The following KIR2DL4 variants were observed in gnomAD, a reference collection of about 807,000 sequenced individuals.
The protein encoded by KIR2DL4 is killer cell immunoglobulin like receptor, two Ig domains and long cytoplasmic tail 4, also known as killer cell immunoglobulin-like receptor 2DL4.
KIR2DL4 carries 41 observed loss-of-function variants against 31.0 expected under a neutral mutation model. The ratio of observed to expected loss-of-function variants is 1.32; its 90% CI spans 1.03 to 1.72. KIR2DL4 has a LOEUF of 1.72. Among genes scored for constraint, KIR2DL4 ranks in the 40% most tolerant of loss-of-function variants. The pLI, the probability that KIR2DL4 is intolerant of heterozygous loss-of-function variation, is 0.00. For synonymous variants in KIR2DL4, 164 were observed against 133.6 expected, an observed-to-expected ratio of 1.23 and a Z score of -1.57; for missense variants, 438 against 353.7, an observed-to-expected ratio of 1.24 and a Z score of -1.91.
chr19:54,808,789 C>T lies in KIR2DL4; in HGVS notation c.656-44C>T. 5.2e-6 allele frequency: 7 copies of T among 1,351,692 alleles called. 1 individual carries two copies. Among genetic ancestry groups the T allele is most frequent in the Non-Finnish European group, 6.3e-6 (6 of 955,238 alleles). The allele number at this position is 1,351,692 out of a possible 1,614,324, so 83.7% of individuals were successfully genotyped here. On this transcript the variant is annotated intron_variant, in intron 4 of 7. Coordinates refer to ENST00000359085, the Ensembl canonical transcript of KIR2DL4. ...TCAAAGATTTCCATTGAGTAGAAGA[C>T]AGGCATCCTCATTGCCACACCTCTC...
chr19:54,809,212 AG>A (rs1471643374), intron 5 of KIR2DL4, among the ~76,000 whole-genome samples: 7 of 150,106 alleles, frequency 4.7e-5, no homozygotes, highest in Non-Finnish European at 7.4e-5. Context: ...AGGGGAAGGA[AG>A]GGGAACATTT....
In KIR2DL4 at chr19:54,814,271, C is replaced by A. The variant is rs1247569513; in HGVS notation, c.*471C>A. On this transcript the variant is annotated 3_prime_UTR_variant, in exon 8 of 8. Transcript: ENST00000359085. ...TCTATTTCACTTGACCCCTGCCCAC[C>A]TCTCCAACCTAACTGGCTTACTTCC... 1.0e-5 allele frequency: 8 copies of A among 780,140 alleles called. No individual in the cohort carries two copies. The Admixed American group carries it at 1.6e-4, about 16-fold the overall frequency. 48.3% of individuals were successfully genotyped at this position (780,140 alleles called of 1,614,324 possible).
At chr19:54,804,920 C>T (rs774526470) in exon 3 of KIR2DL4, 67 of 1,611,988 alleles carry the variant, frequency 4.2e-5, no homozygotes, top group Non-Finnish European at 5.5e-5. Flanking sequence ...AAGATGGGGT[C>T]CCTGTCCCTG....
Position 54,804,978 on chromosome 19 carries a change from AC to A in KIR2DL4, c.266del (p.Pro89GlnfsTer28), listed in dbSNP as rs1330139702. 1.2e-6 allele frequency: 2 copies of A among 1,611,538 alleles called. No individual in the cohort carries two copies. The highest frequency in any genetic ancestry group is 2.7e-5 in the African/African-American group (2 of 74,142). On this transcript the variant is annotated frameshift_variant, in exon 3 of 8. Transcript: ENST00000359085. LOFTEE classifies it high-confidence loss of function. ...GAACAGTTTCCTCATTAGCCCTGTG[AC>A]CCCAGCACACGCAGGGACCTACAGA...
exon 8 of KIR2DL4, chr19:54,814,152 C>T: frequency 6.3e-7 from 1 of 1,598,206 alleles, no homozygotes; most frequent in Non-Finnish European, 8.5e-7. Context: ...CTTCCTCACA[C>T]CACAAATCTG....
At chr19:54,814,075 G>A (rs2061061799) in exon 8 of KIR2DL4, 2 of 1,611,778 alleles carry the variant, frequency 1.2e-6, no homozygotes, top group Admixed American at 1.7e-5. Flanking sequence ...CTCAAACCCA[G>A]CTTGCCAGCT....
intron 3 of KIR2DL4, 28 bp downstream of exon 3, chr19:54,805,105 C>T (rs1569355115): frequency 2.6e-6 from 4 of 1,562,232 alleles, no homozygotes; most frequent in Non-Finnish European, 3.5e-6. Flanking sequence ...TGGGCTTCTC[C>T]TTGTCCCACC....
At chr19:54,809,094 C>T (rs1179455228) in intron 5 of KIR2DL4, among the ~76,000 whole-genome samples, 4 of 151,190 alleles carry the variant, frequency 2.6e-5, no homozygotes, top group Non-Finnish European at 5.9e-5. Flanking sequence ...GCTGCTGAGA[C>T]CTCAGGGTAG....
intron 5 of KIR2DL4, among the ~76,000 whole-genome samples, chr19:54,811,535 G>A (rs762989284): frequency 6.6e-5 from 10 of 150,892 alleles, no homozygotes; most frequent in East Asian, 3.9e-4. Flanking sequence ...AAAATCAGGC[G>A]AAAACATCTT....
exon 6 of KIR2DL4, chr19:54,813,201 C>G: frequency 6.5e-7 from 1 of 1,531,276 alleles, no homozygotes; most frequent in South Asian, 1.2e-5. Flanking sequence ...CCTTCTTTCT[C>G]CTTCATCGCT....
chr19:54,805,028 C>T (rs1237126477), exon 3 of KIR2DL4: 4 of 1,610,934 alleles, frequency 2.5e-6, no homozygotes, highest in Admixed American at 1.7e-5. Flanking sequence ...ACCCGCACTC[C>T]CCCACTGAGT....
At chr19:54,808,745 T>G (rs16985962) in intron 4 of KIR2DL4, 88 bp from the exon 5 acceptor site, 243,988 of 938,412 alleles carry the variant, frequency 0.26, 38,313 homozygotes, top group African/African-American at 0.49. Flanking sequence ...GATAATAGAA[T>G]GTTGGCCATG....
At position 54,808,835 on chromosome 19, in the gene KIR2DL4, A is replaced by G. The variant is rs2060683635; in HGVS notation, c.658A>G (p.Asn220Asp). ...CTCTCTCCTGTCCCGTGTTCTAGGAAACCCTTCTAGTAGTTGGCCTTCACC... is the reference window on the plus strand; with the variant it reads ...CTCTCTCCTGTCCCGTGTTCTAGGAGACCCTTCTAGTAGTTGGCCTTCACC... Residue 220 changes from asparagine (N) to aspartate (D), a missense_variant and splice_region_variant, in exon 5 of 8, where the codon AAC (asparagine) becomes GAC (aspartate). By Grantham distance (23) the Asn-to-Asp change is conservative (BLOSUM62 1). Coordinates refer to ENST00000359085, the Ensembl canonical transcript of KIR2DL4. 6 of 1,586,616 alleles carry G rather than the reference A, an allele frequency of 3.8e-6. No homozygotes were observed. The South Asian group carries it at 6.7e-5, about 18-fold the overall frequency.
chr19:54,805,846 G>GAGAGAC, intron 3 of KIR2DL4, 105 bp from the exon 4 acceptor site: 1 of 1,074,568 alleles, frequency 9.3e-7, no homozygotes, highest in Non-Finnish European at 1.3e-6. Flanking sequence ...GAGAGAGAGA[G>GAGAGAC]AGAGCACTAG....
At chr19:54,807,182 G>A (rs1323972593) in intron 4 of KIR2DL4, among the ~76,000 whole-genome samples, 1 of 150,996 alleles carries the variant, frequency 6.6e-6, no homozygotes, top group Non-Finnish European at 1.5e-5. Flanking sequence ...GTCCATCCAT[G>A]TGGCTGCAAA....
chr19:54,809,642 C>G (rs1207888284), intron 5 of KIR2DL4, among the ~76,000 whole-genome samples: 3 of 151,256 alleles, frequency 2.0e-5, no homozygotes, highest in Non-Finnish European at 4.4e-5. Flanking sequence ...TCCTGGTCCC[C>G]GTCTTCCTCC....
Position 54,804,810 on chromosome 19 carries a change from TTCTGC to T in KIR2DL4, c.100_104del (p.Ser34LeufsTer23). Reference sequence around the variant, plus strand: ...TCCCCAAGGTGGTCAGGACAAGCCCTTCTGCTCTGCCTGGCCCAGCGCTGTGGTGC... The same window carrying T: ...TCCCCAAGGTGGTCAGGACAAGCCCTTCTGCCTGGCCCAGCGCTGTGGTGC... On this transcript the variant is annotated frameshift_variant, in exon 3 of 8. Transcript: ENST00000359085. LOFTEE classifies it high-confidence loss of function. The T allele has an allele frequency of 6.2e-7, 1 of 1,612,144 alleles. No individual in the cohort carries two copies. The highest frequency in any genetic ancestry group is 8.5e-7 in the Non-Finnish European group (1 of 1,179,642).
chr19:54,812,629 G>C (rs1357613176), intron 5 of KIR2DL4, among the ~76,000 whole-genome samples: 10 of 150,368 alleles, frequency 6.7e-5, no homozygotes, highest in African/African-American at 2.2e-4. Context: ...GCGGCCTCAG[G>C]CTGCTCCCAC....
intron 4 of KIR2DL4, among the ~76,000 whole-genome samples, chr19:54,808,583 T>C (rs796248693): frequency 2.3e-4 from 34 of 150,378 alleles, no homozygotes; most frequent in African/African-American, 8.4e-4. Context: ...CAATGTCATG[T>C]TGTTTTGCTT....
Sources: gnomAD v4.1 joint callset for allele counts (sites outside exome capture counted in the v4.1 genomes callset) on GRCh38, gnomAD v4.1.1 for gene constraint, MANE v1.5 for transcripts, NCBI Gene and HGNC (gene_info 2026-07-23, HGNC 2026-07-21) for gene names.